Variants in SLC5A11 observed in about 807,000 individuals in gnomAD.
The protein encoded by SLC5A11 is sodium/myo-inositol cotransporter 2.
SLC5A11 carries 48 observed loss-of-function variants against 69.8 expected under a neutral mutation model. That is an observed-to-expected ratio of 0.69 (90% CI 0.55 to 0.87). The LOEUF (loss-of-function observed/expected upper bound fraction) is 0.87. SLC5A11 is among the 40% of genes least tolerant of loss of function. The pLI is 0.00. For synonymous variants in SLC5A11, 319 were observed against 342.4 expected, an observed-to-expected ratio of 0.93 and a Z score of 0.75; for missense variants, 784 against 866.1, an observed-to-expected ratio of 0.91 and a Z score of 1.19.
chr16:24,858,529 C>T, intron 1 of SLC5A11, 91 bp from the exon 3 acceptor site: 1 of 1,217,372 alleles, frequency 8.2e-7, no homozygotes, highest in Non-Finnish European at 1.1e-6. Flanking sequence ...CATGGGTCCT[C>T]TTTCATGGAT....
At chr16:24,875,696 C>T (rs919155735) in exon 6 of SLC5A11, 20 of 1,613,902 alleles carry the variant, frequency 1.2e-5, no homozygotes, top group Non-Finnish European at 1.6e-5. Flanking sequence ...CCTGGCTGTA[C>T]TCTACCTATT....
intron 8 of SLC5A11, among the ~76,000 whole-genome samples, chr16:24,885,295 G>A (rs2048324767): frequency 6.6e-6 from 1 of 151,534 alleles, no homozygotes; most frequent in South Asian, 2.1e-4. Context: ...TTAAGCGGGG[G>A]ACACTACTCT....
At chr16:24,868,457 G>C (rs2047056667) in intron 3 of SLC5A11, among the ~76,000 whole-genome samples, 1 of 151,236 alleles carries the variant, frequency 6.6e-6, no homozygotes, top group East Asian at 1.9e-4. Flanking sequence ...AAATTAGCCG[G>C]GCGTGGTGGC....
At position 24,886,127 on chromosome 16, in the gene SLC5A11, C is replaced by T. The variant is rs574406369; in HGVS notation, c.664+1996C>T. On this transcript the variant is annotated intron_variant, in intron 8 of 15. Transcript: ENST00000347898. ...TTGGCTCACTGCAACCTCCACCTCCCGGGTTCAAGCGATTCTCCTGCCTCA... is the reference window on the plus strand; with the variant it reads ...TTGGCTCACTGCAACCTCCACCTCCTGGGTTCAAGCGATTCTCCTGCCTCA... Among the ~76,000 whole-genome samples the T allele has an allele frequency of 9.2e-5, 14 of 151,828 alleles. No individual in the cohort carries two copies. The South Asian group carries it at 1.3e-3, about 14-fold the overall frequency.
Position 24,875,626 on chromosome 16 carries a change from G to T in SLC5A11, c.373-1G>T, listed in dbSNP as rs749680698. On this transcript the variant is annotated splice_acceptor_variant, in intron 5 of 15. Coordinates refer to ENST00000347898, the Ensembl canonical transcript of SLC5A11. LOFTEE classifies it high-confidence loss of function. ...GGTGAAATCTCAGCTCTGGCCCTCA[G>T]GTCACCACGATGCCAGAATACCTAC... 6.2e-7 allele frequency: 1 copy of T among 1,612,998 alleles called. No homozygotes were observed. The highest frequency in any genetic ancestry group is 1.1e-5 in the South Asian group (1 of 90,674).
intron 15 of SLC5A11, 86 bp downstream of exon 16, chr16:24,910,563 C>T: frequency 1.4e-6 from 2 of 1,410,336 alleles, no homozygotes; most frequent in South Asian, 1.4e-5. Context: ...AAATCACAAG[C>T]CAGGAAAGTG....
At chr16:24,877,197 A>C in intron 6 of SLC5A11, 61 bp from the exon 8 acceptor site, 1 of 1,597,450 alleles carries the variant, frequency 6.3e-7, no homozygotes, top group African/African-American at 1.3e-5. Flanking sequence ...CCTGTGCTGC[A>C]AATGTCCACT....
intron 7 of SLC5A11, among the ~76,000 whole-genome samples, chr16:24,880,158 G>C (rs774590397): frequency 4.0e-5 from 6 of 151,854 alleles, no homozygotes; most frequent in Non-Finnish European, 7.4e-5. Context: ...CCCGAGACTG[G>C]ATAATTTATG....
Position 24,851,441 on chromosome 16 carries a change from G to A in SLC5A11, c.-25+5003G>A, listed in dbSNP as rs537575792. 1.3e-3 allele frequency among the ~76,000 whole-genome samples: 200 copies of A among 152,200 alleles called. 1 individual carries two copies. Among genetic ancestry groups the A allele is most frequent in the African/African-American group, 4.4e-3 (183 of 41,542 alleles). ...CCTGGGAGGCTGAGGCAGGCGAATCGCTTGGGGGCAGGAGAATCGCTTGAA... is the reference window on the plus strand; with the variant it reads ...CCTGGGAGGCTGAGGCAGGCGAATCACTTGGGGGCAGGAGAATCGCTTGAA... On this transcript the variant is annotated intron_variant, in intron 1 of 15. Transcript: ENST00000347898.
At chr16:24,850,917 T>G (rs2059274063) in intron 1 of SLC5A11, among the ~76,000 whole-genome samples, 1 of 151,668 alleles carries the variant, frequency 6.6e-6, no homozygotes, top group Non-Finnish European at 1.5e-5. Flanking sequence ...TTCAAGCGAT[T>G]CTTCTGCCTC....
At chr16:24,858,806 A>C in intron 2 of SLC5A11, 28 bp downstream of exon 3, 1 of 1,599,854 alleles carries the variant, frequency 6.3e-7, no homozygotes, top group Non-Finnish European at 8.5e-7. Flanking sequence ...GGGATGGGGG[A>C]TGAAGAGAGA....
At chr16:24,890,780 C>G in intron 8 of SLC5A11, 89 bp from the exon 10 acceptor site, 1 of 1,277,912 alleles carries the variant, frequency 7.8e-7, no homozygotes, top group Non-Finnish European at 1.1e-6. Flanking sequence ...TCTGGTCCTA[C>G]TAGAATTTCA....
In SLC5A11 at chr16:24,864,571, A is replaced by G. The variant is rs1053927239; in HGVS notation, c.207+1899A>G. 2.2e-4 allele frequency among the ~76,000 whole-genome samples: 34 copies of G among 152,224 alleles called. 1 individual carries two copies. The highest frequency in any genetic ancestry group is 8.8e-5 in the Non-Finnish European group (6 of 68,042). ...ACATCATTTTAAATGTCCACCTTTA[A>G]CAAGAAATTATAAGGCATGCAAAAA... On this transcript the variant is annotated intron_variant, in intron 3 of 15. Coordinates refer to ENST00000347898, the Ensembl canonical transcript of SLC5A11.
chr16:24,907,362 C>T (rs114666743), intron 12 of SLC5A11, among the ~76,000 whole-genome samples, 187 bp downstream of exon 13: 2,429 of 152,240 alleles, frequency 0.016, 46 homozygotes, highest in African/African-American at 0.054. Context: ...GGCACATAAC[C>T]ATGAAAGGGC....
At chr16:24,899,809 T>A (rs1004050512) in intron 10 of SLC5A11, among the ~76,000 whole-genome samples, 3 of 152,010 alleles carry the variant, frequency 2.0e-5, no homozygotes, top group African/African-American at 7.2e-5. Flanking sequence ...GCTCAAGCAA[T>A]TCTCCCACCT....
chr16:24,879,736 C>T (rs549876475), intron 7 of SLC5A11, among the ~76,000 whole-genome samples: 1 of 152,158 alleles, frequency 6.6e-6, no homozygotes, highest in Admixed American at 6.6e-5. Flanking sequence ...CAGAGCAAGA[C>T]CCCATCTCAA....
intron 14 of SLC5A11, 119 bp from the exon 16 acceptor site, chr16:24,910,187 C>A: frequency 1.1e-6 from 1 of 927,202 alleles, no homozygotes; most frequent in Non-Finnish European, 1.6e-6. Context: ...GAGGGTGGGG[C>A]TGGGAGCAGA....
chr16:24,873,795 G>A (rs1217440579), intron 5 of SLC5A11, among the ~76,000 whole-genome samples: 1 of 151,458 alleles, frequency 6.6e-6, no homozygotes, highest in Admixed American at 6.6e-5. Context: ...TTTGGTGAAG[G>A]GTGGGTCATA....
chr16:24,870,023 G>T lies in SLC5A11; in HGVS notation c.312+18G>T. 2 of 1,547,032 alleles carry T rather than the reference G, an allele frequency of 1.3e-6. No homozygotes were observed. Among genetic ancestry groups the T allele is most frequent in the Admixed American group, 1.7e-5 (1 of 59,816 alleles). Reference sequence around the variant, plus strand: ...AACTTAATGTAAGTATTTTACCTAGGGCATAGATGACATCTTACCTCTACC... The same window carrying T: ...AACTTAATGTAAGTATTTTACCTAGTGCATAGATGACATCTTACCTCTACC... On this transcript the variant is annotated intron_variant, in intron 4 of 15. Transcript: ENST00000347898.
Sources: allele counts gnomAD v4.1 joint callset (sites outside exome capture counted in the v4.1 genomes callset), GRCh38; gene constraint gnomAD v4.1.1; transcripts MANE v1.5; gene names NCBI Gene and HGNC (gene_info 2026-07-23, HGNC 2026-07-21).